The following KDR variants were observed in gnomAD, a reference collection of about 807,000 sequenced individuals.
The protein encoded by KDR is vascular endothelial growth factor receptor 2.
A neutral mutation model predicts 160.9 loss-of-function variants in KDR; 43 were observed. That is an observed-to-expected ratio of 0.27 (90% CI 0.21 to 0.34). The LOEUF (loss-of-function observed/expected upper bound fraction) is 0.34. Ranked by LOEUF, KDR falls within the 10% of genes least tolerant of loss-of-function variation. The pLI is 1.00. For missense variants in KDR, 1,469 were observed against 1,666.4 expected (o/e 0.88, Z 2.06); for synonymous variants, 617 against 600.1 (o/e 1.03, Z -0.41).
chr4:55,113,593 A>G, intron 6 of KDR, 112 bp from the exon 7 acceptor site: 1 of 935,368 alleles, frequency 1.1e-6, no homozygotes. Flanking sequence ...TTTAATGCTA[A>G]AAACAGGGAC....
intron 7 of KDR, among the ~76,000 whole-genome samples, chr4:55,112,717 A>G (rs1054196581): frequency 2.0e-5 from 3 of 151,916 alleles, no homozygotes; most frequent in African/African-American, 7.3e-5. Context: ...TTTAGTAGAG[A>G]TGGGGTTCCA....
intron 28 of KDR, 35 bp from the exon 29 acceptor site, chr4:55,082,076 G>A (rs2110005393): frequency 7.2e-7 from 1 of 1,397,888 alleles, no homozygotes; most frequent in Non-Finnish European, 1.0e-6. Flanking sequence ...ACAGTTAATT[G>A]AGCATATAAA....
At chr4:55,114,652 C>CT (rs1288933489) in intron 5 of KDR, among the ~76,000 whole-genome samples, 2 of 152,150 alleles carry the variant, frequency 1.3e-5, no homozygotes, top group African/African-American at 2.4e-5. Context: ...CGCTTTCATC[C>CT]TTTTTTTAAA....
At chr4:55,103,982 T>C (rs957714371) in intron 13 of KDR, among the ~76,000 whole-genome samples, 2 of 152,178 alleles carry the variant, frequency 1.3e-5, no homozygotes, top group African/African-American at 4.8e-5. Context: ...TTTACAGAGC[T>C]ATCTGCTCAC....
rs1371982221 is a variant in KDR at position 55,115,011 on chromosome 4, C to T, written c.521G>A (p.Gly174Asp). The T allele has an allele frequency of 6.2e-7, 1 of 1,613,518 alleles. No homozygotes were observed. Among genetic ancestry groups the T allele is most frequent in the East Asian group, 2.2e-5 (1 of 44,848 alleles). ...RYPEKRFVPDGNRISWDSKKG... is the reference protein window; with the variant it reads ...RYPEKRFVPDDNRISWDSKKG... ...CTTGCTGTCCCAGGAAATTCTGTTA[C>T]CATCAGGAACAAATCTCTTTTCTGG... is the stretch of plus-strand genomic sequence containing the variant. Residue 174 changes from glycine (G) to aspartate (D), a missense_variant, in exon 5 of 30, where the codon GGT becomes GAT. Transcript: ENST00000263923.
chr4:55,110,264 A>C (rs1306293630), intron 9 of KDR, 139 bp downstream of exon 9: 2 of 873,288 alleles, frequency 2.3e-6, no homozygotes, highest in African/African-American at 3.3e-5. Flanking sequence ...CAGCTTCACC[A>C]CGCCAGATGA....
intron 4 of KDR, 45 bp from the exon 5 acceptor site, chr4:55,115,087 AATGAGAGCC>A: frequency 6.7e-7 from 1 of 1,497,474 alleles, no homozygotes; most frequent in Non-Finnish European, 9.3e-7. Flanking sequence ...CAGTACCAAA[AATGAGAGCC>A]ATGTACAATG....
intron 2 of KDR, among the ~76,000 whole-genome samples, chr4:55,119,567 G>C (rs761301678): frequency 6.6e-6 from 1 of 152,178 alleles, no homozygotes; most frequent in Admixed American, 6.5e-5. Context: ...AGGTGGTCTT[G>C]ATAAAGCTAG....
At chr4:55,114,044 G>A (rs1720666241) in intron 6 of KDR, 82 bp downstream of exon 6, 4 of 1,449,578 alleles carry the variant, frequency 2.8e-6, no homozygotes, top group Admixed American at 3.3e-5. Flanking sequence ...TCTGGCCAAA[G>A]AGGCCCCTAT....
chr4:55,109,163 A>G (rs1182152562), intron 9 of KDR, among the ~76,000 whole-genome samples: 1 of 151,602 alleles, frequency 6.6e-6, no homozygotes. Context: ...GCTATCTGCA[A>G]CCTCCACCTC....
chr4:55,124,574 C>A (rs1420881327), intron 1 of KDR, among the ~76,000 whole-genome samples: 1 of 152,132 alleles, frequency 6.6e-6, no homozygotes, highest in Non-Finnish European at 1.5e-5. Context: ...ACTTGGAGAC[C>A]CTTGGGGAAG....
In KDR at chr4:55,092,598, T is replaced by A; in HGVS notation, c.3069+19A>T. The A allele has an allele frequency of 6.4e-7, 1 of 1,555,546 alleles. No individual in the cohort carries two copies. Among genetic ancestry groups the A allele is most frequent in the Middle Eastern group, 1.7e-4 (1 of 5,972 alleles). ...CTGTGATCTGAAAAGATAGCTGATT[T>A]CCCCTCAACCTTTCTTACCTTTCGC... On this transcript the variant is annotated intron_variant, in intron 22 of 29. Coordinates refer to ENST00000263923, the MANE Select transcript of KDR (RefSeq NM_002253.4).
chr4:55,101,408 C>T (rs192728774), intron 15 of KDR, among the ~76,000 whole-genome samples: 4 of 152,298 alleles, frequency 2.6e-5, no homozygotes, highest in Admixed American at 6.5e-5. Flanking sequence ...AATCATCTGT[C>T]GTTGCCCTAT....
intron 15 of KDR, among the ~76,000 whole-genome samples, chr4:55,101,695 G>C (rs986467645): frequency 6.6e-6 from 1 of 152,046 alleles, no homozygotes; most frequent in Non-Finnish European, 1.5e-5. Context: ...TCCCTTCCCT[G>C]TGTCTATGTG....
At chr4:55,114,083 T>G in intron 6 of KDR, 43 bp downstream of exon 6, 1 of 1,611,968 alleles carries the variant, frequency 6.2e-7, no homozygotes, top group East Asian at 2.2e-5. Flanking sequence ...TGGGGCTTAT[T>G]ATCTAAGTAT....
intron 28 of KDR, 113 bp downstream of exon 28, chr4:55,082,423 G>T: frequency 1.3e-6 from 1 of 798,060 alleles, no homozygotes; most frequent in Non-Finnish European, 2.1e-6. Context: ...ACACACACTC[G>T]AGGGCAGCCT....
chr4:55,086,548 C>A (rs1024437555), intron 27 of KDR, among the ~76,000 whole-genome samples: 2 of 152,182 alleles, frequency 1.3e-5, no homozygotes, highest in African/African-American at 4.8e-5. Flanking sequence ...TTCTACCTTG[C>A]CTGACTCTGA....
At chr4:55,108,769 C>T (rs1720503812) in intron 9 of KDR, among the ~76,000 whole-genome samples, 1 of 151,354 alleles carries the variant, frequency 6.6e-6, no homozygotes, top group African/African-American at 2.4e-5. Flanking sequence ...TTCCTTCTTT[C>T]TTCTCTCCCT....
At position 55,110,407 on chromosome 4, in the gene KDR, C is replaced by A. The variant is rs748902934; in HGVS notation, c.1251G>T (p.Val417=). Residue 417 remains valine, a synonymous_variant, in exon 9 of 30, where the codon GTG becomes GTT. Transcript: ENST00000263923. ...EKQSHVVSLV[V]YVPPQIGEKS... ...AGGAAAATTGAATGGACTCACCATA[C>A]ACAACCAGAGAGACCACATGGCTCT... The A allele has an allele frequency of 1.2e-6, 2 of 1,613,958 alleles. No individual in the cohort carries two copies. The highest frequency in any genetic ancestry group is 2.2e-5 in the South Asian group (2 of 91,084).
Sources: allele counts gnomAD v4.1 joint callset (sites outside exome capture counted in the v4.1 genomes callset), GRCh38; gene constraint gnomAD v4.1.1; transcripts MANE v1.5; gene names NCBI Gene and HGNC (gene_info 2026-07-23, HGNC 2026-07-21).